DSCAML1: variants seen among roughly 807,000 people sequenced by gnomAD.
The protein encoded by DSCAML1 is DS cell adhesion molecule like 1.
A neutral mutation model predicts 200.5 loss-of-function variants in DSCAML1; 38 were observed. The ratio of observed to expected loss-of-function variants is 0.19; its 90% CI spans 0.15 to 0.25. The LOEUF is 0.25. Ranked by LOEUF, DSCAML1 falls within the 10% of genes least tolerant of loss-of-function variation. The probability of loss-of-function intolerance (pLI) is 1.00; values close to 1 mark genes in which losing one functional copy is unlikely to be tolerated. For synonymous variants in DSCAML1, 1,215 were observed against 1,165.0 expected (o/e 1.04, Z -0.87); for missense variants, 2,223 against 2,858.8 (o/e 0.78, Z 5.07).
intron 3 of DSCAML1, among the ~76,000 whole-genome samples, chr11:117,565,993 G>A (rs1206662279): frequency 6.6e-6 from 1 of 152,216 alleles, no homozygotes; most frequent in Non-Finnish European, 1.5e-5. Context: ...GGGGCCTGAG[G>A]ACTGGTAGCC....
chr11:117,481,064 C>T, intron 13 of DSCAML1, 110 bp downstream of exon 13: 1 of 1,059,746 alleles, frequency 9.4e-7, no homozygotes, highest in Non-Finnish European at 1.4e-6. Context: ...AGTTTCCTGT[C>T]ATCCTCCACC....
intron 3 of DSCAML1, among the ~76,000 whole-genome samples, chr11:117,675,470 A>AT (rs533948278): frequency 0.014 from 1,367 of 96,928 alleles, 32 homozygotes; most frequent in African/African-American, 0.033. Flanking sequence ...GCTGATTGAA[A>AT]TTTTTTTTTT....
intron 3 of DSCAML1, among the ~76,000 whole-genome samples, chr11:117,548,721 A>G (rs116356076): frequency 0.013 from 1,973 of 152,240 alleles, 36 homozygotes; most frequent in African/African-American, 0.044. Flanking sequence ...CACATTGGAG[A>G]TGGAGCATTG....
At chr11:117,609,029 AACAAAC>A (rs771595877) in intron 3 of DSCAML1, among the ~76,000 whole-genome samples, 35 of 110,018 alleles carry the variant, frequency 3.2e-4, no homozygotes, top group Non-Finnish European at 4.5e-4. Flanking sequence ...CAAACAAACA[AACAAAC>A]AAAAAAAACA....
At chr11:117,750,057 T>C (rs2054581045) in intron 3 of DSCAML1, among the ~76,000 whole-genome samples, 1 of 152,218 alleles carries the variant, frequency 6.6e-6, no homozygotes, top group Non-Finnish European at 1.5e-5. Flanking sequence ...TGATCCACGT[T>C]CTTGTTCTCG....
At chr11:117,519,682 G>A (rs1592692135) in intron 6 of DSCAML1, among the ~76,000 whole-genome samples, 1 of 152,136 alleles carries the variant, frequency 6.6e-6, no homozygotes, top group Non-Finnish European at 1.5e-5. Context: ...ATAGCCAGGT[G>A]TGGTGGCACA....
intron 3 of DSCAML1, among the ~76,000 whole-genome samples, chr11:117,759,412 G>A (rs1383724005): frequency 1.2e-4 from 19 of 152,168 alleles, no homozygotes; most frequent in Non-Finnish European, 2.5e-4. Flanking sequence ...ACCCTGCCCC[G>A]CCCTCTGCCC....
chr11:117,743,981 G>A (rs965074305), intron 3 of DSCAML1, among the ~76,000 whole-genome samples: 10 of 152,170 alleles, frequency 6.6e-5, no homozygotes, highest in African/African-American at 9.7e-5. Context: ...TGGACAACAC[G>A]TCTAAATACC....
At chr11:117,666,789 G>A (rs1351330293) in intron 3 of DSCAML1, among the ~76,000 whole-genome samples, 2 of 152,234 alleles carry the variant, frequency 1.3e-5, no homozygotes, top group East Asian at 1.9e-4. Flanking sequence ...CTCTTCTTCT[G>A]TAAAGTGGTG....
At chr11:117,574,899 A>G (rs1434646673) in intron 3 of DSCAML1, among the ~76,000 whole-genome samples, 1 of 152,056 alleles carries the variant, frequency 6.6e-6, no homozygotes, top group Non-Finnish European at 1.5e-5. Flanking sequence ...AGTTACTAGA[A>G]CAGAAATCCT....
intron 1 of DSCAML1, among the ~76,000 whole-genome samples, chr11:117,792,012 C>T (rs2055475593): frequency 6.6e-6 from 1 of 152,180 alleles, no homozygotes; most frequent in Non-Finnish European, 1.5e-5. Flanking sequence ...GAAAGATTTG[C>T]CTTGACTCCA....
Position 117,780,429 on chromosome 11 carries a change from AT to A in DSCAML1, c.364+63del. 1.5e-6 allele frequency: 2 copies of A among 1,345,766 alleles called. No homozygotes were observed. Among genetic ancestry groups the A allele is most frequent in the Non-Finnish European group, 1.9e-6 (2 of 1,031,292 alleles). The allele number at this position is 1,345,766 out of a possible 1,614,324, so 83.4% of individuals were successfully genotyped here. ...CGACTTCTTGCAAGCCCCTCCGAATATCCTCAGAATGACGGCGCAGCCTCCT... is the reference window on the plus strand; with the variant it reads ...CGACTTCTTGCAAGCCCCTCCGAATACCTCAGAATGACGGCGCAGCCTCCT... On this transcript the variant is annotated intron_variant, in intron 2 of 32. Coordinates refer to ENST00000651296, the MANE Select transcript of DSCAML1 (RefSeq NM_020693.4). This position sits in a 1 kb window ranked among gnomAD's most constrained non-coding sequence, Gnocchi z 4.8.
chr11:117,456,492 T>G (rs976334337), intron 19 of DSCAML1, among the ~76,000 whole-genome samples: 4 of 152,142 alleles, frequency 2.6e-5, no homozygotes, highest in Non-Finnish European at 4.4e-5. Flanking sequence ...TAGCTTTCAC[T>G]CTGAAGGCCT....
At chr11:117,644,758 G>A (rs11216480) in intron 3 of DSCAML1, among the ~76,000 whole-genome samples, 15,365 of 152,254 alleles carry the variant, frequency 0.1, 860 homozygotes, top group African/African-American at 0.15. Flanking sequence ...TGGAGCTGAA[G>A]GGGCACCCCC....
In DSCAML1 at chr11:117,432,369, T is replaced by C. The variant is rs564965997; in HGVS notation, c.5162A>G (p.Asp1721Gly). 1 of 1,613,850 alleles carries C rather than the reference T, an allele frequency of 6.2e-7. No homozygotes were observed. The highest frequency in any genetic ancestry group is 1.7e-5 in the Admixed American group (1 of 59,958). The change falls in exon 30 of 33, where the codon GAC (aspartate) becomes GGC (glycine). Residue 1721 changes from aspartate (D) to glycine (G), a missense_variant. Transcript: ENST00000651296. ...ATGCGTACTGGTTCCTGGCCGGATG[T>C]CAGACATGTCGATGAGGGGTCCTGT... is the stretch of plus-strand genomic sequence containing the variant. ...QSTGPLIDMSDIRPGTNPVSR... is the reference protein window; with the variant it reads ...QSTGPLIDMSGIRPGTNPVSR...
At chr11:117,756,604 G>C (rs1470774611) in intron 3 of DSCAML1, among the ~76,000 whole-genome samples, 1 of 152,060 alleles carries the variant, frequency 6.6e-6, no homozygotes, top group Non-Finnish European at 1.5e-5. Flanking sequence ...TTGCTATCTG[G>C]GTTGTAGAAA....
intron 3 of DSCAML1, among the ~76,000 whole-genome samples, chr11:117,607,770 G>T (rs1018748066): frequency 6.6e-6 from 1 of 152,220 alleles, no homozygotes; most frequent in African/African-American, 2.4e-5. Context: ...GGGCAGCATA[G>T]GAACCAGAGG....
intron 3 of DSCAML1, among the ~76,000 whole-genome samples, chr11:117,542,966 G>A (rs1317629684): frequency 6.6e-6 from 1 of 152,206 alleles, no homozygotes; most frequent in African/African-American, 2.4e-5. Flanking sequence ...CCCGTGAGGT[G>A]GACTTCTCTC....
chr11:117,704,451 TA>T (rs144652785), intron 3 of DSCAML1, among the ~76,000 whole-genome samples: 1,680 of 152,070 alleles, frequency 0.011, 19 homozygotes, highest in East Asian at 0.04. Context: ...ACACACAAAT[TA>T]AAAAAAATTA....
Sources: allele counts gnomAD v4.1 joint callset (sites outside exome capture counted in the v4.1 genomes callset), GRCh38; gene constraint gnomAD v4.1.1; non-coding constraint Gnocchi (gnomAD v3.1); transcripts MANE v1.5; gene names NCBI Gene and HGNC (gene_info 2026-07-23, HGNC 2026-07-21).